Variants in RNF128 observed in about 807,000 individuals in gnomAD.
The protein encoded by RNF128 is E3 ubiquitin-protein ligase RNF128.
In RNF128, 13 loss-of-function variants were observed where a neutral mutation model predicts 26.2. The observed-to-expected ratio is 0.50, with a 90% confidence interval of 0.32 to 0.79. The LOEUF (loss-of-function observed/expected upper bound fraction) is 0.79. Ranked by LOEUF, RNF128 falls within the 30% of genes least tolerant of loss-of-function variation. The probability of loss-of-function intolerance (pLI) is 0.03; values close to 1 mark genes in which losing one functional copy is unlikely to be tolerated. For missense variants in RNF128, 315 were observed against 349.7 expected (o/e 0.90, Z 0.79); for synonymous variants, 149 against 142.5 (o/e 1.05, Z -0.32).
In RNF128 at chrX:106,791,206, G is replaced by A. The variant is rs779428165; in HGVS notation, c.1125G>A (p.Pro375=). Residue 375 remains proline (P), a synonymous_variant, in exon 6 of 7, where the codon CCG becomes CCA. Coordinates refer to ENST00000255499, the MANE Select transcript of RNF128 (RefSeq NM_194463.2). ...CTTCAGTACAGGGAACAGATGAACC[G>A]CCTCTGGAGGAACACGTGCAGTCAA... ...GYASVQGTDE[P]PLEEHVQSTN... 19 of 1,208,451 alleles carry A rather than the reference G, an allele frequency of 1.6e-5. No individual in the cohort carries two copies. The highest frequency in any genetic ancestry group is 5.9e-5 in the East Asian group (2 of 33,768).
At chrX:106,706,714 G>T (rs113344996) in intron 1 of RNF128, among the ~76,000 whole-genome samples, 7,489 of 111,796 alleles carry the variant, frequency 0.067, 596 homozygotes, top group African/African-American at 0.23. Flanking sequence ...TACTTTAAAC[G>T]GCGAAAGATG....
chrX:106,711,604 G>C (rs1929128329), intron 1 of RNF128, among the ~76,000 whole-genome samples: 1 of 111,902 alleles, frequency 8.9e-6, no homozygotes, highest in Admixed American at 9.5e-5. Flanking sequence ...ATAAAAGAAA[G>C]GCCCAACAGA....
At chrX:106,748,645 G>T (rs1226481354) in intron 1 of RNF128, among the ~76,000 whole-genome samples, 1 of 111,772 alleles carries the variant, frequency 8.9e-6, no homozygotes, top group East Asian at 2.8e-4. Flanking sequence ...AGAGGATATT[G>T]TGTCAAATGA....
chrX:106,730,035 C>G (rs1445576105), intron 1 of RNF128, among the ~76,000 whole-genome samples: 2 of 111,939 alleles, frequency 1.8e-5, no homozygotes, highest in Non-Finnish European at 3.8e-5. Flanking sequence ...TACAAAATCT[C>G]TCTTCACTCA....
At chrX:106,701,837 C>CA (rs1928963059) in intron 1 of RNF128, among the ~76,000 whole-genome samples, 1 of 110,388 alleles carries the variant, frequency 9.1e-6, no homozygotes, top group East Asian at 2.8e-4. Context: ...AATATATGGG[C>CA]AAAAAAGACA....
chrX:106,751,713 C>T (rs1481307023), intron 1 of RNF128, among the ~76,000 whole-genome samples: 1 of 110,481 alleles, frequency 9.1e-6, no homozygotes, highest in Non-Finnish European at 1.9e-5. Context: ...AAGCAGAGTC[C>T]TGAAGCCCAC....
intron 1 of RNF128, among the ~76,000 whole-genome samples, chrX:106,757,756 A>AC (rs1407115688): frequency 9.0e-6 from 1 of 111,416 alleles, no homozygotes; most frequent in Non-Finnish European, 1.9e-5. Context: ...TTTAAAAAAA[A>AC]CCCTAAAAAA....
chrX:106,746,865 GTTA>G (rs2147678764), intron 1 of RNF128, among the ~76,000 whole-genome samples: 1 of 111,279 alleles, frequency 9.0e-6, no homozygotes, highest in South Asian at 3.8e-4. Context: ...GCCATGTCTC[GTTA>G]TTATTAATGA....
chrX:106,741,711 A>G (rs771614186), intron 1 of RNF128, among the ~76,000 whole-genome samples: 29 of 112,156 alleles, frequency 2.6e-4, no homozygotes, highest in Non-Finnish European at 3.2e-4. Context: ...ATCAAAATTC[A>G]AATTATCACT....
At chrX:106,750,303 C>A (rs1035309000) in intron 1 of RNF128, among the ~76,000 whole-genome samples, 3 of 112,094 alleles carry the variant, frequency 2.7e-5, no homozygotes, top group African/African-American at 9.7e-5. Context: ...TTCACTTTTA[C>A]AGTTAAATAA....
chrX:106,791,489 T>A (rs1477152117), intron 6 of RNF128, among the ~76,000 whole-genome samples: 1 of 111,691 alleles, frequency 9.0e-6, no homozygotes, highest in Non-Finnish European at 1.9e-5. Flanking sequence ...TTCTCTCTGA[T>A]GCATTTAAAT....
Position 106,726,875 on chromosome X carries a change from C to G in RNF128, c.-39C>G, listed in dbSNP as rs1222982717. ...GGTCCTGCCAAGCGCTAGGAGGGCG[C>G]GTGCCAGGGGCGCTAGGGAACTGCG... On this transcript the variant is annotated 5_prime_UTR_variant, in exon 1 of 7. Transcript: ENST00000255499. 3 of 1,135,172 alleles carry G rather than the reference C, an allele frequency of 2.6e-6. No homozygotes were observed. The highest frequency in any genetic ancestry group is 3.5e-6 in the Non-Finnish European group (3 of 861,865). The allele number at this position is 1,135,172 out of a possible 1,213,427, so 93.6% of individuals were successfully genotyped here.
intron 1 of RNF128, among the ~76,000 whole-genome samples, chrX:106,747,046 G>GTA (rs1431625880): frequency 1.8e-5 from 2 of 111,601 alleles, no homozygotes; most frequent in African/African-American, 6.5e-5. Context: ...ATACAAAGTG[G>GTA]TATAAATACA....
rs372722771 is a variant in RNF128 at position 106,704,290 on chromosome X, A to G, written c.406+9882A>G. Reference sequence around the variant, plus strand: ...CTCTACTAAAAAATACAAAAAAGCCAGGCGTGGTGGCTGGCGCCTGTAGTC... The same window carrying G: ...CTCTACTAAAAAATACAAAAAAGCCGGGCGTGGTGGCTGGCGCCTGTAGTC... On this transcript the variant is annotated intron_variant, in intron 1 of 6. Coordinates refer to the RNF128 transcript ENST00000324342. Among the ~76,000 whole-genome samples, 366 of 109,921 alleles carry G rather than the reference A, an allele frequency of 3.3e-3. 1 individual carries two copies. The highest frequency in any genetic ancestry group is 0.011 in the African/African-American group (339 of 30,218).
At position 106,727,096 on chromosome X, in the gene RNF128, G is replaced by C. The variant is rs893697871; in HGVS notation, c.183G>C (p.Thr61=). The change falls in exon 1 of 7, where the codon ACG becomes ACC. Residue 61 remains threonine, a synonymous_variant. Transcript: ENST00000255499. ...TTCCGCACACGGGAGTGAACCGTAC[G>C]GTGTGGGAGCTGAGCGAGGAGGGCG... ...WRVPHTGVNR[T]VWELSEEGVY... 8.3e-7 allele frequency: 1 copy of C among 1,206,254 alleles called. No homozygotes were observed.
At chrX:106,745,673 A>G (rs751763770) in intron 1 of RNF128, among the ~76,000 whole-genome samples, 2 of 111,736 alleles carry the variant, frequency 1.8e-5, no homozygotes, top group Non-Finnish European at 3.8e-5. Flanking sequence ...GATGAGGTAC[A>G]CTGATAGTAA....
chrX:106,791,247 C>G lies in RNF128; in HGVS notation c.1153+13C>G, dbSNP rs749067247. ...GTGCAGTCAACAAGTAAGCATCATA[C>G]TAAAGGTTAACGAGTGCCCTGCAAT... On this transcript the variant is annotated intron_variant, in intron 6 of 6. Coordinates refer to ENST00000255499, the MANE Select transcript of RNF128 (RefSeq NM_194463.2). 2.0e-5 allele frequency: 24 copies of G among 1,199,538 alleles called. No homozygotes were observed. Among genetic ancestry groups the G allele is most frequent in the South Asian group, 3.6e-5 (2 of 55,189 alleles).
At chrX:106,748,732 T>C (rs183308752) in intron 1 of RNF128, among the ~76,000 whole-genome samples, 82 of 111,142 alleles carry the variant, frequency 7.4e-4, no homozygotes, top group African/African-American at 2.6e-3. Context: ...CTCATGAAGA[T>C]AGAGAGTAGA....
intron 1 of RNF128, among the ~76,000 whole-genome samples, chrX:106,766,579 A>C (rs1450593473): frequency 8.9e-6 from 1 of 111,761 alleles, no homozygotes; most frequent in Non-Finnish European, 1.9e-5. Context: ...TTTTCTTGTA[A>C]ATTTGTTCAA....
Sources: allele counts gnomAD v4.1 joint callset (sites outside exome capture counted in the v4.1 genomes callset), GRCh38; gene constraint gnomAD v4.1.1; transcripts MANE v1.5; gene names NCBI Gene and HGNC (gene_info 2026-07-23, HGNC 2026-07-21).